The following RIMKLB variants were observed in gnomAD, a reference collection of about 807,000 sequenced individuals.
RIMKLB encodes the protein ribosomal modification protein rimK like family member B.
Under a neutral mutation model 32.0 loss-of-function variants are expected in RIMKLB, and 7 were observed. That is an observed-to-expected ratio of 0.22 (90% CI 0.12 to 0.41). The LOEUF is 0.41. Ranked by LOEUF, RIMKLB falls within the 10% of genes least tolerant of loss-of-function variation. RIMKLB has a pLI of 1.00. For missense variants in RIMKLB, 289 were observed against 498.7 expected (o/e 0.58, Z 4.00); for synonymous variants, 172 against 185.1 (o/e 0.93, Z 0.57).
chr12:8,718,144 T>C (rs995485876), intron 2 of RIMKLB, among the ~76,000 whole-genome samples: 2 of 152,124 alleles, frequency 1.3e-5, no homozygotes, highest in African/African-American at 4.8e-5. Flanking sequence ...ATTTCCTCTA[T>C]GGAAATGGAA....
intron 1 of RIMKLB, among the ~76,000 whole-genome samples, chr12:8,706,133 T>C (rs1943857928): frequency 6.6e-6 from 1 of 152,118 alleles, no homozygotes; most frequent in South Asian, 2.1e-4. Context: ...TAAAAATACA[T>C]TCTTTGTTTT....
At chr12:8,709,629 C>G (rs1006254463) in intron 1 of RIMKLB, among the ~76,000 whole-genome samples, 17 of 152,220 alleles carry the variant, frequency 1.1e-4, no homozygotes, top group African/African-American at 2.9e-4. Flanking sequence ...GAAGGCTAGC[C>G]GCATGTCCTC....
chr12:8,707,354 C>G (rs1218217405), intron 1 of RIMKLB, among the ~76,000 whole-genome samples: 2 of 152,194 alleles, frequency 1.3e-5, no homozygotes, highest in African/African-American at 4.8e-5. Context: ...TTACATAACT[C>G]AGGGAAACAT....
upstream of RIMKLB, among the ~76,000 whole-genome samples, chr12:8,678,610 G>A (rs1009239929): frequency 1.3e-5 from 2 of 152,224 alleles, no homozygotes; most frequent in Non-Finnish European, 2.9e-5. Context: ...TTACAGGCAT[G>A]AGCCACTGCG....
At chr12:8,697,974 C>T (rs1321701902), upstream of RIMKLB, 4 of 158,152 alleles carry the variant, frequency 2.5e-5, no homozygotes, top group South Asian at 1.2e-4. Flanking sequence ...TGTGTGTGAG[C>T]GGGGTCGCGC....
At chr12:8,684,153 C>G (rs781329045) in intron 1 of RIMKLB, among the ~76,000 whole-genome samples, 14 of 151,880 alleles carry the variant, frequency 9.2e-5, no homozygotes, top group Non-Finnish European at 1.9e-4. Flanking sequence ...AAAGTTATTG[C>G]CATACTGAAG....
chr12:8,676,684 C>T (rs1236321062), upstream of RIMKLB, among the ~76,000 whole-genome samples: 6 of 151,856 alleles, frequency 4.0e-5, no homozygotes, highest in South Asian at 2.1e-4. Context: ...CAGGTGTGAG[C>T]GACCACATGC....
intron 5 of RIMKLB, among the ~76,000 whole-genome samples, chr12:8,771,195 T>C (rs565138918): frequency 4.3e-4 from 65 of 152,266 alleles, no homozygotes; most frequent in Admixed American, 8.5e-4. Flanking sequence ...CTAACACTAG[T>C]AGACTGAGTA....
At position 8,718,659 on chromosome 12, in the gene RIMKLB, A is replaced by ATGTGTGTG. The variant is rs1213938637; in HGVS notation, c.175+4619_175+4620insGTGTGTGT. Among the ~76,000 whole-genome samples, 191 of 119,350 alleles carry ATGTGTGTG rather than the reference A, an allele frequency of 1.6e-3. 2 individuals are homozygous for ATGTGTGTG. The highest frequency in any genetic ancestry group is 6.0e-3 in the African/African-American group (185 of 30,838). 78.3% of individuals were successfully genotyped at this position (119,350 alleles called of 152,430 possible). A position where few individuals can be genotyped will look rare whatever the true frequency, so the allele number is the denominator to read the frequency against. ...TCCGTCTCTCTCTCTCTCTCTATAT[A>ATGTGTGTG]TATATATATATGTGTGTGTGTGTGT... On this transcript the variant is annotated intron_variant, in intron 2 of 5. Transcript: ENST00000535829.
intron 1 of RIMKLB, among the ~76,000 whole-genome samples, chr12:8,698,686 G>T (rs1205115684): frequency 6.6e-6 from 1 of 151,812 alleles, no homozygotes; most frequent in Admixed American, 6.5e-5. Context: ...CCTGTCCTCG[G>T]GATTGCGGCG....
At chr12:8,686,977 C>G (rs747457244) in intron 1 of RIMKLB, among the ~76,000 whole-genome samples, 2 of 152,140 alleles carry the variant, frequency 1.3e-5, no homozygotes, top group African/African-American at 4.8e-5. Flanking sequence ...GGATTTCAAT[C>G]TGGTGTGTCT....
rs944724050 is a variant in RIMKLB, at chr12:8,776,750, T to C, written c.*2966T>C. Reference sequence around the variant, plus strand: ...TCCAATGAACATTGAAATCTTCCTGTATATGTTACCAATAAGAAAACTACC... The same window carrying C: ...TCCAATGAACATTGAAATCTTCCTGCATATGTTACCAATAAGAAAACTACC... On this transcript the variant is annotated 3_prime_UTR_variant, in exon 6 of 6. Coordinates refer to ENST00000535829, the MANE Select transcript of RIMKLB (RefSeq NM_001297776.2). 6 of 985,298 alleles carry C rather than the reference T, an allele frequency of 6.1e-6. No homozygotes were observed. In the African/African-American group the frequency reaches 1.0e-4, roughly 17 times the overall value. The allele number at this position is 985,298 out of a possible 1,614,324, so 61.0% of individuals were successfully genotyped here. A position where few individuals can be genotyped will look rare whatever the true frequency, so the allele number is the denominator to read the frequency against.
intron 1 of RIMKLB, among the ~76,000 whole-genome samples, chr12:8,682,902 C>T (rs141820192): frequency 1.3e-5 from 2 of 150,600 alleles, no homozygotes; most frequent in Non-Finnish European, 3.0e-5. Context: ...TCCCAAAGTG[C>T]TGGGATTATA....
At chr12:8,697,349 TCTCCATATCTTTGC>T (rs1942927605), upstream of RIMKLB, 1 of 152,272 alleles carries the variant, frequency 6.6e-6, no homozygotes, top group African/African-American at 2.4e-5. Context: ...ATGATCTTTG[TCTCCATATCTTTGC>T]CTACCGGAGG....
chr12:8,748,246 C>T (rs1948280491), intron 2 of RIMKLB, among the ~76,000 whole-genome samples: 1 of 152,108 alleles, frequency 6.6e-6, no homozygotes, highest in Non-Finnish European at 1.5e-5. Context: ...CATGGTTTTG[C>T]ATTCTGCAGT....
At chr12:8,769,610 G>T (rs960385230) in intron 5 of RIMKLB, among the ~76,000 whole-genome samples, 2 of 151,722 alleles carry the variant, frequency 1.3e-5, no homozygotes, top group Non-Finnish European at 2.9e-5. Flanking sequence ...GGTTAGTAAG[G>T]TACCATTTTA....
intron 1 of RIMKLB, among the ~76,000 whole-genome samples, chr12:8,690,136 A>AT (rs754780797): frequency 5.9e-5 from 9 of 152,250 alleles, no homozygotes; most frequent in Non-Finnish European, 1.2e-4. Flanking sequence ...CAATACAGTC[A>AT]TTTTTTCATG....
rs1245782347 is a variant in RIMKLB at position 8,773,998 on chromosome 12, G to A, written c.*214G>A. 7.4e-7 allele frequency: 1 copy of A among 1,355,818 alleles called. No homozygotes were observed. The highest frequency in any genetic ancestry group is 9.5e-7 in the Non-Finnish European group (1 of 1,057,906). 84.0% of individuals were successfully genotyped at this position (1,355,818 alleles called of 1,614,324 possible). ...CTACAAATAGAGAGGCAGAATAGGT[G>A]GGGTATAGAAAAATGTCAGGCTCTC... is the stretch of plus-strand genomic sequence containing the variant. On this transcript the variant is annotated 3_prime_UTR_variant, in exon 6 of 6. Transcript: ENST00000535829.
chr12:8,722,922 A>G (rs150860870), intron 2 of RIMKLB, among the ~76,000 whole-genome samples: 2 of 152,368 alleles, frequency 1.3e-5, no homozygotes, highest in African/African-American at 4.8e-5. Context: ...GTCTTACTCT[A>G]GATAAGGCTT....
Sources: allele counts gnomAD v4.1 joint callset (sites outside exome capture counted in the v4.1 genomes callset), GRCh38; gene constraint gnomAD v4.1.1; transcripts MANE v1.5; gene names NCBI Gene and HGNC (gene_info 2026-07-23, HGNC 2026-07-21).